The following PLSCR3 variants were observed in gnomAD, a reference collection of about 807,000 sequenced individuals.
The protein encoded by PLSCR3 is PL scramblase 3.
PLSCR3 carries 17 observed loss-of-function variants against 33.7 expected under a neutral mutation model. The observed-to-expected ratio is 0.50, with a 90% CI of 0.35 to 0.76. The LOEUF is 0.76. PLSCR3 is among the 30% of genes least tolerant of loss of function. The pLI, the probability that PLSCR3 is intolerant of heterozygous loss-of-function variation, is 0.01. For synonymous variants in PLSCR3, 166 were observed against 166.0 expected (o/e 1.00, Z 0.00); for missense variants, 360 against 394.1 (o/e 0.91, Z 0.73).
At chr17:7,393,081 G>A in intron 5 of PLSCR3, 63 bp downstream of exon 5, 1 of 1,480,230 alleles carries the variant, frequency 6.8e-7, no homozygotes, top group Non-Finnish European at 9.0e-7. Context: ...CTCATCTCAG[G>A]TGGACCTCAT....
rs1473808037 is a variant in PLSCR3 at position 7,393,631 on chromosome 17, C to A, written c.213G>T (p.Gly71=). ...CCAGGAATTCGAGGCCAGAAGGCAC[C>A]CCTGGCAGTGGCAAGAAGGGGGCAG... ...GSAAPFLPLP[G]VPSGLEFLVQ... The change falls in exon 3 of 8, where the codon GGG becomes GGT. Residue 71 remains glycine (G), a synonymous_variant. Transcript: ENST00000619711. 6.2e-7 allele frequency: 1 copy of A among 1,611,660 alleles called. No homozygotes were observed.
rs1597696038 is a variant in PLSCR3, at chr17:7,394,140, G to A, written c.-30C>T. The A allele has an allele frequency of 1.9e-6, 3 of 1,611,178 alleles. No individual in the cohort carries two copies. The highest frequency in any genetic ancestry group is 2.5e-6 in the Non-Finnish European group (3 of 1,177,942). On this transcript the variant is annotated 5_prime_UTR_variant, in exon 2 of 8. Transcript: ENST00000619711. The surrounding 1 kb of genome is among the most constrained non-coding windows in gnomAD (Gnocchi z 5.3). The stretch of plus-strand genomic sequence containing the variant: ...GAAGGGCTGGGGTTTTCGAGATGAT[G>A]GTGTCTGGGTGGCTTAGTTCTGGAA...
Position 7,391,715 on chromosome 17 carries a change from G to A in PLSCR3, c.670-920C>T, listed in dbSNP as rs551291961. ...CTATACATTCCCATCTGGAGATCAC[G>A]CAGTTATTATATCTTATTCCCAATT... On this transcript the variant is annotated intron_variant, in intron 6 of 7. Coordinates refer to ENST00000619711, the MANE Select transcript of PLSCR3 (RefSeq NM_020360.4). This position sits in a 1 kb window ranked among gnomAD's most constrained non-coding sequence, Gnocchi z 4.1. Among the ~76,000 whole-genome samples the A allele has an allele frequency of 3.9e-5, 6 of 152,176 alleles. No homozygotes were observed. Among genetic ancestry groups the A allele is most frequent in the East Asian group, 1.9e-4 (1 of 5,194 alleles).
rs1255570795 is a variant in PLSCR3 at position 7,393,048 on chromosome 17, G to A, written c.507+96C>T. The A allele has an allele frequency of 7.3e-6, 11 of 1,500,690 alleles. No individual in the cohort carries two copies. The Admixed American group carries it at 2.2e-4, about 30-fold the overall frequency. 93.0% of individuals were successfully genotyped at this position (1,500,690 alleles called of 1,614,324 possible). A position where few individuals can be genotyped will look rare whatever the true frequency, so the allele number is the denominator to read the frequency against. Reference sequence around the variant, plus strand: ...CTCACTAAACCTCCCATCCCCACCTGCCCACTCCCACCTGATCCAGGCCTC... The same window carrying A: ...CTCACTAAACCTCCCATCCCCACCTACCCACTCCCACCTGATCCAGGCCTC... On this transcript the variant is annotated intron_variant, in intron 5 of 7. Coordinates refer to ENST00000619711, the MANE Select transcript of PLSCR3 (RefSeq NM_020360.4).
chr17:7,392,772 C>G lies in PLSCR3; in HGVS notation c.669+19G>C. On this transcript the variant is annotated intron_variant, in intron 6 of 7. Coordinates refer to ENST00000619711, the MANE Select transcript of PLSCR3 (RefSeq NM_020360.4). ...TCTTGGTTTACGAAGGTCCCAAGAGCCTCTAGTATTCCTGATACCTCAAAG... is the reference window on the plus strand; with the variant it reads ...TCTTGGTTTACGAAGGTCCCAAGAGGCTCTAGTATTCCTGATACCTCAAAG... 1 of 1,612,416 alleles carries G rather than the reference C, an allele frequency of 6.2e-7. No individual in the cohort carries two copies. Among genetic ancestry groups the G allele is most frequent in the Non-Finnish European group, 8.5e-7 (1 of 1,179,008 alleles).
In PLSCR3 at chr17:7,394,391, C is replaced by T; in HGVS notation, c.-158+86G>A. On this transcript the variant is annotated intron_variant, in intron 1 of 7. Transcript: ENST00000619711. This position sits in a 1 kb window ranked among gnomAD's most constrained non-coding sequence, Gnocchi z 5.3. ...CCCATCCTGCGGAGGAGGCTGTGGG[C>T]CGACGGCAGGACAGATGGACCCGCG... is the stretch of plus-strand genomic sequence containing the variant. The T allele has an allele frequency of 2.3e-6, 1 of 435,064 alleles. No homozygotes were observed. The highest frequency in any genetic ancestry group is 4.2e-6 in the Non-Finnish European group (1 of 239,100). 27.0% of individuals were successfully genotyped at this position (435,064 alleles called of 1,614,324 possible). A position where few individuals can be genotyped will look rare whatever the true frequency, so the allele number is the denominator to read the frequency against.
chr17:7,390,304 G>T lies in PLSCR3; in HGVS notation c.*81C>A. On this transcript the variant is annotated 3_prime_UTR_variant, in exon 8 of 8. Transcript: ENST00000619711. Reference sequence around the variant, plus strand: ...CCCTGCAGTGTACATGGAGGAAAGGGGCTGCCCAGAGGAGGGGCCAGGGCA... The same window carrying T: ...CCCTGCAGTGTACATGGAGGAAAGGTGCTGCCCAGAGGAGGGGCCAGGGCA... The T allele has an allele frequency of 9.0e-7, 1 of 1,115,394 alleles. No individual in the cohort carries two copies. The highest frequency in any genetic ancestry group is 1.3e-6 in the Non-Finnish European group (1 of 778,506). The allele number at this position is 1,115,394 out of a possible 1,614,324, so 69.1% of individuals were successfully genotyped here. A position where few individuals can be genotyped will look rare whatever the true frequency, so the allele number is the denominator to read the frequency against.
At position 7,394,253 on chromosome 17, in the gene PLSCR3, T is replaced by C; in HGVS notation, c.-143A>G. ...CTGCGCCCGGCGCCGGCCCAGGGTC[T>C]CTTGGGCGGCGCCTCTGACTCGGGG... On this transcript the variant is annotated 5_prime_UTR_variant, in exon 2 of 8. Coordinates refer to ENST00000619711, the MANE Select transcript of PLSCR3 (RefSeq NM_020360.4). This position sits in a 1 kb window ranked among gnomAD's most constrained non-coding sequence, Gnocchi z 5.3. 3 of 709,382 alleles carry C rather than the reference T, an allele frequency of 4.2e-6. No individual in the cohort carries two copies. The highest frequency in any genetic ancestry group is 2.0e-5 in the South Asian group (1 of 50,570). The allele number at this position is 709,382 out of a possible 1,614,324, so 43.9% of individuals were successfully genotyped here.
rs986444247 is a variant in PLSCR3, at chr17:7,390,217, C to T, written c.*168G>A. 1 of 569,472 alleles carries T rather than the reference C, an allele frequency of 1.8e-6. No individual in the cohort carries two copies. The highest frequency in any genetic ancestry group is 2.8e-5 in the East Asian group (1 of 35,130). 35.3% of individuals were successfully genotyped at this position (569,472 alleles called of 1,614,324 possible). A position where few individuals can be genotyped will look rare whatever the true frequency, so the allele number is the denominator to read the frequency against. On this transcript the variant is annotated 3_prime_UTR_variant, in exon 8 of 8. Coordinates refer to ENST00000619711, the MANE Select transcript of PLSCR3 (RefSeq NM_020360.4). ...GAGAGCGGCTCTCATACATACCCCT[C>T]CTTGGGAACCACAGGGGCAGGCGGC... is the stretch of plus-strand genomic sequence containing the variant.
Position 7,389,776 on chromosome 17 carries a change from A to C in PLSCR3, c.*609T>G, listed in dbSNP as rs1002471812. ...GTTTATATGAATGTAACATATAAAG[A>C]TGCAGCCTTTTTCCTAGGGCAAGGG... On this transcript the variant is annotated 3_prime_UTR_variant, in exon 8 of 8. Transcript: ENST00000619711. The C allele has an allele frequency of 1.2e-4, 19 of 155,682 alleles. No homozygotes were observed. Among genetic ancestry groups the C allele is most frequent in the Non-Finnish European group, 2.8e-5 (2 of 70,298 alleles). 9.6% of individuals were successfully genotyped at this position (155,682 alleles called of 1,614,324 possible).
rs564696348 is a variant in PLSCR3 at position 7,389,884 on chromosome 17, C to T, written c.*501G>A. On this transcript the variant is annotated 3_prime_UTR_variant, in exon 8 of 8. Transcript: ENST00000619711. ...GCCCTAGTGGGAGAGGAAGTTGGCA[C>T]TGGGGTCCCCCTGCAGCTGTTGATG... The T allele has an allele frequency of 6.4e-6, 1 of 155,744 alleles. No individual in the cohort carries two copies. Among genetic ancestry groups the T allele is most frequent in the South Asian group, 2.0e-4 (1 of 4,888 alleles). The allele number at this position is 155,744 out of a possible 1,614,324, so 9.6% of individuals were successfully genotyped here. A position where few individuals can be genotyped will look rare whatever the true frequency, so the allele number is the denominator to read the frequency against.
In PLSCR3 at chr17:7,393,227, C is replaced by T; in HGVS notation, c.424G>A (p.Ala142Thr). 6.3e-7 allele frequency: 1 copy of T among 1,580,190 alleles called. No individual in the cohort carries two copies. ...AGCACCTCACGGTCCCCGGGGTCGG[C>T]CAGGCGGACACGCAGCGGCCGGCGG... ...GARRPLRVRL[A>T]DPGDREVLRL... Residue 142 changes from alanine (A) to threonine (T), a missense_variant, in exon 5 of 8, where the codon GCC (alanine) becomes ACC (threonine). Ala to Thr is a moderately conservative substitution (Grantham distance 58). Transcript: ENST00000619711.
At position 7,392,962 on chromosome 17, in the gene PLSCR3, G is replaced by A; in HGVS notation, c.508-10C>T. ...GAGCCTGTACTTCCATCTGGGAGTGGGAAGCAGACAGGGTCACTGCGGAGG... is the reference window on the plus strand; with the variant it reads ...GAGCCTGTACTTCCATCTGGGAGTGAGAAGCAGACAGGGTCACTGCGGAGG... On this transcript the variant is annotated splice_polypyrimidine_tract_variant and intron_variant, in intron 5 of 7. Coordinates refer to ENST00000619711, the MANE Select transcript of PLSCR3 (RefSeq NM_020360.4). The A allele has an allele frequency of 6.2e-7, 1 of 1,607,426 alleles. No homozygotes were observed. Among genetic ancestry groups the A allele is most frequent in the Non-Finnish European group, 8.5e-7 (1 of 1,175,786 alleles).
Position 7,393,125 on chromosome 17 carries a change from G to T in PLSCR3, c.507+19C>A. The T allele has an allele frequency of 1.4e-6, 1 of 721,236 alleles. No homozygotes were observed. The highest frequency in any genetic ancestry group is 2.0e-6 in the Non-Finnish European group (1 of 504,250). 44.7% of individuals were successfully genotyped at this position (721,236 alleles called of 1,614,324 possible). A position where few individuals can be genotyped will look rare whatever the true frequency, so the allele number is the denominator to read the frequency against. The stretch of plus-strand genomic sequence containing the variant: ...CGCCCCACCAAGGCCCGCCCTCCCG[G>T]CCCCCTCCCTCCGCCCACCTCCTGG... On this transcript the variant is annotated intron_variant, in intron 5 of 7. Transcript: ENST00000619711.
In PLSCR3 at chr17:7,389,957, T is replaced by C. The variant is rs1019062413; in HGVS notation, c.*428A>G. 3.7e-5 allele frequency: 6 copies of C among 161,982 alleles called. No homozygotes were observed. The highest frequency in any genetic ancestry group is 1.4e-4 in the African/African-American group (6 of 41,616). 10.0% of individuals were successfully genotyped at this position (161,982 alleles called of 1,614,324 possible). A position where few individuals can be genotyped will look rare whatever the true frequency, so the allele number is the denominator to read the frequency against. ...GTGCCATGGTCTGAGGCTGAACTAA[T>C]TGGCCAAGCAGATGCTAGGCAGCGG... On this transcript the variant is annotated 3_prime_UTR_variant, in exon 8 of 8. Transcript: ENST00000619711.
rs1905853822 is a variant in PLSCR3 at position 7,393,034 on chromosome 17, T to C, written c.508-82A>G. 5 of 1,518,186 alleles carry C rather than the reference T, an allele frequency of 3.3e-6. No homozygotes were observed. The Admixed American group carries it at 9.7e-5, about 29-fold the overall frequency. 94.0% of individuals were successfully genotyped at this position (1,518,186 alleles called of 1,614,324 possible). A position where few individuals can be genotyped will look rare whatever the true frequency, so the allele number is the denominator to read the frequency against. On this transcript the variant is annotated intron_variant, in intron 5 of 7. Coordinates refer to ENST00000619711, the MANE Select transcript of PLSCR3 (RefSeq NM_020360.4). ...CTGTCTATTTGGCCCTCACTAAACC[T>C]CCCATCCCCACCTGCCCACTCCCAC...
At chr17:7,392,021 A>T (rs1905742138) in intron 6 of PLSCR3, among the ~76,000 whole-genome samples, 1 of 152,202 alleles carries the variant, frequency 6.6e-6, no homozygotes, top group Admixed American at 6.5e-5. Context: ...CCTCGTCTCT[A>T]CTAAAAATAT....
chr17:7,393,403 G>C, intron 4 of PLSCR3, 39 bp from the exon 5 acceptor site: 1 of 1,611,768 alleles, frequency 6.2e-7, no homozygotes, highest in Admixed American at 1.7e-5. Context: ...AGAGCCTCGC[G>C]CGCCCAGGAG....
In PLSCR3 at chr17:7,393,837, C is replaced by T; in HGVS notation, c.8-1G>A. 6.8e-7 allele frequency: 1 copy of T among 1,475,266 alleles called. No individual in the cohort carries two copies. The highest frequency in any genetic ancestry group is 1.2e-5 in the South Asian group (1 of 81,510). 91.4% of individuals were successfully genotyped at this position (1,475,266 alleles called of 1,614,324 possible). ...GCGTAGCCTTTGGGGGGCAAGTAGC[C>T]TGTAAAGCGGTGGGAGCAGGATAGA... On this transcript the variant is annotated splice_acceptor_variant, in intron 2 of 7. Coordinates refer to ENST00000619711, the MANE Select transcript of PLSCR3 (RefSeq NM_020360.4). LOFTEE classifies it high-confidence loss of function.
Sources: allele counts gnomAD v4.1 joint callset (sites outside exome capture counted in the v4.1 genomes callset), GRCh38; gene constraint gnomAD v4.1.1; non-coding constraint Gnocchi (gnomAD v3.1); transcripts MANE v1.5; gene names NCBI Gene and HGNC (gene_info 2026-07-23, HGNC 2026-07-21).